Variants in NFATC3 observed in about 807,000 individuals in gnomAD.
NFATC3 encodes nuclear factor of activated T-cells, cytoplasmic 3.
In NFATC3, 46 loss-of-function variants were observed where a neutral mutation model predicts 98.6. The observed-to-expected ratio is 0.47, with a 90% CI of 0.37 to 0.60. The LOEUF is 0.60. Among genes scored for constraint, NFATC3 ranks in the 20% least tolerant of loss-of-function variants. NFATC3 has a pLI of 0.00. For missense variants in NFATC3, 1,256 were observed against 1,295.5 expected (o/e 0.97, Z 0.47); for synonymous variants, 512 against 472.2 (o/e 1.08, Z -1.09).
chr16:68,170,741 C>T (rs547203374), intron 5 of NFATC3, among the ~76,000 whole-genome samples: 27 of 152,126 alleles, frequency 1.8e-4, no homozygotes, highest in Non-Finnish European at 3.1e-4. Flanking sequence ...AATCTGCCCA[C>T]CTCAGCCTCC....
At chr16:68,112,925 T>A (rs2036060661) in intron 1 of NFATC3, among the ~76,000 whole-genome samples, 1 of 152,188 alleles carries the variant, frequency 6.6e-6, no homozygotes, top group Admixed American at 6.5e-5. Flanking sequence ...TGTTGTGTTT[T>A]TCAGCTCAAT....
chr16:68,202,549 C>T (rs1459014827), intron 9 of NFATC3, among the ~76,000 whole-genome samples: 7 of 152,056 alleles, frequency 4.6e-5, no homozygotes, highest in South Asian at 2.1e-4. Context: ...CGGTGGCTGA[C>T]GCCTGTAATC....
intron 3 of NFATC3, among the ~76,000 whole-genome samples, chr16:68,152,112 C>T (rs1329868776): frequency 6.6e-6 from 1 of 150,438 alleles, no homozygotes; most frequent in East Asian, 1.9e-4. Flanking sequence ...CCTATAATCC[C>T]AGCACTTTGA....
At chr16:68,169,008 C>T (rs2039341838) in intron 5 of NFATC3, among the ~76,000 whole-genome samples, 1 of 152,030 alleles carries the variant, frequency 6.6e-6, no homozygotes, top group Non-Finnish European at 1.5e-5. Flanking sequence ...TGGTCTCGAA[C>T]TCCTGGGCAC....
intron 8 of NFATC3, among the ~76,000 whole-genome samples, chr16:68,187,123 C>G (rs1326753499): frequency 1.3e-5 from 2 of 152,214 alleles, no homozygotes; most frequent in Non-Finnish European, 2.9e-5. Context: ...GGCACGCTGG[C>G]TATGGAGGGT....
At chr16:68,159,993 G>C (rs558402774) in intron 4 of NFATC3, among the ~76,000 whole-genome samples, 10 of 151,932 alleles carry the variant, frequency 6.6e-5, no homozygotes, top group Non-Finnish European at 1.0e-4. Flanking sequence ...CAGGAGAATT[G>C]CTTGAACCCC....
chr16:68,140,277 G>T (rs958916700), intron 3 of NFATC3, among the ~76,000 whole-genome samples: 1 of 152,220 alleles, frequency 6.6e-6, no homozygotes, highest in South Asian at 2.1e-4. Flanking sequence ...GAGCCACTGC[G>T]CCTGGCCAGA....
intron 6 of NFATC3, among the ~76,000 whole-genome samples, chr16:68,176,134 T>A (rs1267363147): frequency 6.6e-6 from 1 of 152,028 alleles, no homozygotes; most frequent in Non-Finnish European, 1.5e-5. Context: ...CCCACCACCA[T>A]GCCCAGCTAA....
At chr16:68,202,018 C>A (rs2040944682) in intron 9 of NFATC3, among the ~76,000 whole-genome samples, 1 of 147,360 alleles carries the variant, frequency 6.8e-6, no homozygotes, top group East Asian at 2.0e-4. Context: ...CTATCTTAGA[C>A]CTTTAAATAC....
At chr16:68,209,838 A>AAC (rs1555524024) in intron 9 of NFATC3, 6 of 362,372 alleles carry the variant, frequency 1.7e-5, no homozygotes, top group Admixed American at 6.8e-5. Flanking sequence ...CCTGCCCCCC[A>AAC]ACACACACAC....
chr16:68,144,751 A>G (rs1028289286), intron 3 of NFATC3, among the ~76,000 whole-genome samples: 11 of 152,032 alleles, frequency 7.2e-5, no homozygotes, highest in Non-Finnish European at 1.5e-4. Flanking sequence ...TCCGCCTCCC[A>G]GGTTCAAGAG....
intron 1 of NFATC3, among the ~76,000 whole-genome samples, chr16:68,115,127 A>C (rs1361433830): frequency 6.6e-6 from 1 of 151,412 alleles, no homozygotes; most frequent in Admixed American, 6.6e-5. Flanking sequence ...GCAGTGGTGC[A>C]ATCTCAGCTC....
rs199747947 is a variant in NFATC3 at position 68,191,792 on chromosome 16, T to C, written c.3106+17T>C. ...TAGATGATGGTAAGTTCATCTCTGATATGTTCTTGAAGTAGTGAAGATTCA... is the reference window on the plus strand; with the variant it reads ...TAGATGATGGTAAGTTCATCTCTGACATGTTCTTGAAGTAGTGAAGATTCA... On this transcript the variant is annotated intron_variant, in intron 9 of 9. Coordinates refer to ENST00000346183, the MANE Select transcript of NFATC3 (RefSeq NM_173165.3). The C allele has an allele frequency of 1.7e-3, 2,775 of 1,613,714 alleles. 5 individuals carry two copies. The highest frequency in any genetic ancestry group is 2.2e-3 in the Non-Finnish European group (2,555 of 1,179,656).
chr16:68,221,000 G>C lies in NFATC3; in HGVS notation c.3107-5350G>C, dbSNP rs188017398. On this transcript the variant is annotated intron_variant, in intron 9 of 9. Transcript: ENST00000346183. ...GGCCTCAAACAATCTTCCTGCCTTG[G>C]CTTCCCCTAGTGTTGGGATAACAGG... Among the ~76,000 whole-genome samples the C allele has an allele frequency of 1.7e-3, 257 of 152,260 alleles. 2 individuals are homozygous for C. In the Middle Eastern group the frequency reaches 0.031, roughly 18 times the overall value.
chr16:68,217,075 A>G (rs1238210886), intron 9 of NFATC3, among the ~76,000 whole-genome samples: 1 of 152,048 alleles, frequency 6.6e-6, no homozygotes, highest in East Asian at 1.9e-4. Flanking sequence ...TCAGGGTGAA[A>G]TTTGAGATAA....
chr16:68,215,227 A>T (rs921751581), intron 9 of NFATC3, among the ~76,000 whole-genome samples: 36 of 152,150 alleles, frequency 2.4e-4, no homozygotes, highest in African/African-American at 8.7e-4. Flanking sequence ...AAGATACCAA[A>T]ACCCTAACTT....
chr16:68,171,935 T>C (rs1290468666), intron 5 of NFATC3, among the ~76,000 whole-genome samples: 6 of 152,086 alleles, frequency 3.9e-5, no homozygotes, highest in Admixed American at 3.9e-4. Flanking sequence ...ATTACAGGCG[T>C]GCACCACCAC....
At chr16:68,098,618 A>T (rs1656826483) in intron 1 of NFATC3, among the ~76,000 whole-genome samples, 1 of 152,138 alleles carries the variant, frequency 6.6e-6, no homozygotes, top group Admixed American at 6.6e-5. Context: ...TTTTTAAGAA[A>T]CTGCCAAACT....
Position 68,126,620 on chromosome 16 carries a change from T to G in NFATC3, c.1401+10T>G. 1 of 1,613,652 alleles carries G rather than the reference T, an allele frequency of 6.2e-7. No homozygotes were observed. The highest frequency in any genetic ancestry group is 8.5e-7 in the Non-Finnish European group (1 of 1,179,700). ...ACATCCTGTTGTGAAGGTATGAGACTTTTGGGGCTTGTTTTGCAGATACCA... is the reference window on the plus strand; with the variant it reads ...ACATCCTGTTGTGAAGGTATGAGACGTTTGGGGCTTGTTTTGCAGATACCA... On this transcript the variant is annotated intron_variant, in intron 3 of 9. Transcript: ENST00000346183.
Sources: gnomAD v4.1 joint callset for allele counts (sites outside exome capture counted in the v4.1 genomes callset) on GRCh38, gnomAD v4.1.1 for gene constraint, MANE v1.5 for transcripts, NCBI Gene and HGNC (gene_info 2026-07-23, HGNC 2026-07-21) for gene names.